STK3: variants seen among roughly 807,000 people sequenced by gnomAD.
The protein encoded by STK3 is serine/threonine-protein kinase 3.
Under a neutral mutation model 58.0 loss-of-function variants are expected in STK3, and 41 were observed. The observed-to-expected ratio is 0.71, with a 90% CI of 0.55 to 0.92. The LOEUF is 0.92. Among genes scored for constraint, STK3 ranks in the 40% least tolerant of loss-of-function variants. The probability of loss-of-function intolerance (pLI) is 0.00; values close to 1 mark genes in which losing one functional copy is unlikely to be tolerated. For synonymous variants in STK3, 170 were observed against 191.0 expected (o/e 0.89, Z 0.91); for missense variants, 479 against 602.7 (o/e 0.79, Z 2.15).
intron 8 of STK3, among the ~76,000 whole-genome samples, chr8:98,553,835 C>T (rs757292311): frequency 1.8e-4 from 28 of 151,758 alleles, no homozygotes; most frequent in Admixed American, 7.9e-4. Context: ...CATGGTGGCA[C>T]GTTCCTGTAA....
In STK3 at chr8:98,891,707, T is replaced by C. The variant is rs80159239; in HGVS notation, c.-78-7873A>G. Among the ~76,000 whole-genome samples the C allele has an allele frequency of 5.8e-4, 89 of 152,202 alleles. 1 individual carries two copies. The East Asian group carries it at 0.011, about 19-fold the overall frequency. On this transcript the variant is annotated intron_variant, in intron 1 of 1. Transcript: ENST00000519420. ...AGAAAGCTGATTCAATTCAGTATGTTACACTGTTAAGACTTCCAGCTGTCA... is the reference window on the plus strand; with the variant it reads ...AGAAAGCTGATTCAATTCAGTATGTCACACTGTTAAGACTTCCAGCTGTCA...
chr8:98,738,763 T>A (rs1039698880), intron 4 of STK3, among the ~76,000 whole-genome samples: 30 of 152,332 alleles, frequency 2.0e-4, no homozygotes, highest in African/African-American at 7.0e-4. Flanking sequence ...CAGCGCACCG[T>A]GTGCGAGCCT....
At chr8:98,525,208 G>A (rs1210470269) in intron 10 of STK3, among the ~76,000 whole-genome samples, 1 of 152,112 alleles carries the variant, frequency 6.6e-6, no homozygotes, top group African/African-American at 2.4e-5. Context: ...CGTATAAGTA[G>A]GAGCTAAACA....
chr8:98,744,026 A>G (rs1026861570), intron 4 of STK3, among the ~76,000 whole-genome samples: 76 of 152,036 alleles, frequency 5.0e-4, no homozygotes, highest in Non-Finnish European at 9.3e-4. Flanking sequence ...CAAAACCACA[A>G]TGAGATACCA....
chr8:98,472,772 CTTTAT>C (rs955324196), intron 10 of STK3, among the ~76,000 whole-genome samples: 24 of 152,142 alleles, frequency 1.6e-4, no homozygotes, highest in Admixed American at 3.9e-4. Flanking sequence ...TAAAATTTTA[CTTTAT>C]TTTATTTCTG....
At chr8:98,355,229 TCTGTGTG>T in the STK3 span, among the ~76,000 whole-genome samples, 2 of 152,214 alleles carry the variant, frequency 1.3e-5, no homozygotes, top group East Asian at 3.8e-4. Flanking sequence ...GTATTACGTG[TCTGTGTG>T]CTAAGATGAG....
intron 3 of STK3, among the ~76,000 whole-genome samples, chr8:98,760,910 T>C (rs1254355178): frequency 6.6e-6 from 1 of 152,072 alleles, no homozygotes; most frequent in Non-Finnish European, 1.5e-5. Flanking sequence ...GAAAAAGGAC[T>C]ACATACTCCT....
At chr8:98,481,775 G>A (rs1413759189) in intron 10 of STK3, among the ~76,000 whole-genome samples, 2 of 150,426 alleles carry the variant, frequency 1.3e-5, no homozygotes, top group Admixed American at 6.6e-5. Flanking sequence ...CTCAAGACAC[G>A]ACTTTTTAAC....
chr8:98,815,338 C>T (rs1025430577), intron 1 of STK3, among the ~76,000 whole-genome samples: 2 of 152,164 alleles, frequency 1.3e-5, no homozygotes, highest in Non-Finnish European at 2.9e-5. Flanking sequence ...ATCAGTTATC[C>T]TATCTATGAA....
At chr8:98,921,129 T>G (rs939235259) in intron 1 of STK3, 1 of 152,218 alleles carries the variant, frequency 6.6e-6, no homozygotes, top group African/African-American at 2.4e-5. Context: ...GGTGATGATA[T>G]GCTCACAATA....
intron 6 of STK3, among the ~76,000 whole-genome samples, chr8:98,658,913 T>C (rs1821753533): frequency 6.6e-6 from 1 of 152,108 alleles, no homozygotes; most frequent in Admixed American, 6.6e-5. Flanking sequence ...AATTATGCCC[T>C]AAATACAACA....
At chr8:98,692,569 G>C (rs1824491719) in intron 6 of STK3, among the ~76,000 whole-genome samples, 1 of 152,062 alleles carries the variant, frequency 6.6e-6, no homozygotes, top group Non-Finnish European at 1.5e-5. Flanking sequence ...TGGAGCAAGA[G>C]GATATGGAGA....
chr8:98,630,568 G>A (rs998398645), intron 6 of STK3, among the ~76,000 whole-genome samples: 1 of 152,056 alleles, frequency 6.6e-6, no homozygotes, highest in African/African-American at 2.4e-5. Flanking sequence ...ACTTGAGCCT[G>A]GGAGGTCAGG....
At chr8:98,414,985 T>G (rs910499853) in intron 3 of STK3, among the ~76,000 whole-genome samples, 1 of 152,180 alleles carries the variant, frequency 6.6e-6, no homozygotes, top group Non-Finnish European at 1.5e-5. Context: ...AATTCACATG[T>G]TGAAACTTAA....
intron 10 of STK3, among the ~76,000 whole-genome samples, chr8:98,514,574 G>A (rs1038753093): frequency 6.7e-6 from 1 of 150,042 alleles, no homozygotes; most frequent in East Asian, 2.0e-4. Context: ...TCCTACTCAT[G>A]GTAAATTCTC....
intron 1 of STK3, among the ~76,000 whole-genome samples, chr8:98,796,678 CAGAAT>C (rs1426825276): frequency 6.6e-6 from 1 of 152,174 alleles, no homozygotes; most frequent in Non-Finnish European, 1.5e-5. Flanking sequence ...AGACAATCTA[CAGAAT>C]AGGAGAAAAT....
chr8:98,592,883 C>T (rs1563780708), intron 7 of STK3, among the ~76,000 whole-genome samples: 1 of 152,186 alleles, frequency 6.6e-6, no homozygotes, highest in East Asian at 1.9e-4. Flanking sequence ...CTTGCCTCAG[C>T]CTCCCAAATA....
intron 1 of STK3, chr8:98,904,748 G>A (rs1220460904): frequency 1.2e-6 from 1 of 813,150 alleles, no homozygotes; most frequent in Non-Finnish European, 2.0e-6. Flanking sequence ...GAGCATGGCT[G>A]CAGCATGACG....
the STK3 span, among the ~76,000 whole-genome samples, chr8:98,350,240 C>G: frequency 6.6e-6 from 1 of 152,164 alleles, no homozygotes; most frequent in Non-Finnish European, 1.5e-5. Context: ...AAAATGCCAC[C>G]AGTCTCTTTG....
Sources: allele counts gnomAD v4.1 joint callset (sites outside exome capture counted in the v4.1 genomes callset), GRCh38; gene constraint gnomAD v4.1.1; transcripts MANE v1.5; gene names NCBI Gene and HGNC (gene_info 2026-07-23, HGNC 2026-07-21).